The following PCDHGB4 variants were observed in gnomAD, a reference collection of about 807,000 sequenced individuals.
PCDHGB4 encodes protocadherin gamma subfamily B, 4.
PCDHGB4 carries 38 observed loss-of-function variants against 60.5 expected under a neutral mutation model. The observed-to-expected ratio is 0.63, with a 90% confidence interval of 0.48 to 0.82. The LOEUF is 0.82. Ranked by LOEUF, PCDHGB4 falls within the 40% of genes least tolerant of loss-of-function variation. The probability of loss-of-function intolerance (pLI) is 0.00; values close to 1 mark genes in which losing one functional copy is unlikely to be tolerated. For missense variants in PCDHGB4, 1,109 were observed against 1,209.6 expected (o/e 0.92, Z 1.23); for synonymous variants, 456 against 509.7 (o/e 0.89, Z 1.42).
chr5:141,410,349 G>A, intron 1 of PCDHGB4: 1 of 1,613,994 alleles, frequency 6.2e-7, no homozygotes, highest in Non-Finnish European at 8.5e-7. Flanking sequence ...TTGCGCCTGC[G>A]ACGCTCTCTC....
At chr5:141,421,878 T>C (rs1364225081) in intron 1 of PCDHGB4, 1 of 1,613,612 alleles carries the variant, frequency 6.2e-7, no homozygotes, top group African/African-American at 1.3e-5. Context: ...CAGCTTTAGA[T>C]GGAGGCGATC....
chr5:141,503,598 CAAAAA>C (rs765754054), intron 2 of PCDHGB4, among the ~76,000 whole-genome samples: 1 of 65,760 alleles, frequency 1.5e-5, no homozygotes, highest in African/African-American at 4.7e-5. Context: ...GACTCCAGCT[CAAAAA>C]AAAAAAAAAA....
At chr5:141,418,128 T>C (rs1386757111) in intron 1 of PCDHGB4, 1 of 1,614,090 alleles carries the variant, frequency 6.2e-7, no homozygotes, top group South Asian at 1.1e-5. Flanking sequence ...AAGGACCGAA[T>C]AGACCGTGAG....
At chr5:141,496,994 T>A (rs2099773177) in intron 2 of PCDHGB4, among the ~76,000 whole-genome samples, 1 of 151,862 alleles carries the variant, frequency 6.6e-6, no homozygotes, top group Non-Finnish European at 1.5e-5. Flanking sequence ...GAGACCAGCC[T>A]GGCAGCCAAC....
At position 141,485,120 on chromosome 5, in the gene PCDHGB4, G is replaced by T; in HGVS notation, c.2398-9687G>T. The T allele has an allele frequency of 7.4e-7, 1 of 1,348,050 alleles. No individual in the cohort carries two copies. Among genetic ancestry groups the T allele is most frequent in the Non-Finnish European group, 1.0e-6 (1 of 952,710 alleles). 83.5% of individuals were successfully genotyped at this position (1,348,050 alleles called of 1,614,324 possible). On this transcript the variant is annotated intron_variant, in intron 1 of 3. Transcript: ENST00000519479. The surrounding 1 kb of genome is among the most constrained non-coding windows in gnomAD (Gnocchi z 5.7). ...TCCAGCTGCTGTGGCTGTTTGGGGC[G>T]GGTCGGCTTCATCCGCGTCTCAGGA...
At chr5:141,503,836 A>G (rs1260399957) in intron 2 of PCDHGB4, among the ~76,000 whole-genome samples, 4 of 152,142 alleles carry the variant, frequency 2.6e-5, no homozygotes, top group Admixed American at 6.5e-5. Flanking sequence ...AAAAGCAGGG[A>G]CAGACCTTGG....
At position 141,395,150 on chromosome 5, in the gene PCDHGB4, C is replaced by T. The variant is rs368875505; in HGVS notation, c.2397+4869C>T. ...CCCAGCCCAACTACGCAGACATGCT[C>T]ATCAGTCAGGAGGGCTGTGAGAAAA... On this transcript the variant is annotated intron_variant, in intron 1 of 3. Transcript: ENST00000519479. 8 of 1,614,044 alleles carry T rather than the reference C, an allele frequency of 5.0e-6. No individual in the cohort carries two copies. In the African/African-American group the frequency reaches 6.7e-5, roughly 13 times the overall value.
chr5:141,398,298 C>T (rs746476042), intron 1 of PCDHGB4: 1 of 1,362,258 alleles, frequency 7.3e-7, no homozygotes, highest in South Asian at 1.3e-5. Flanking sequence ...TGGGGTTCAG[C>T]GTCCAGGAGT....
At chr5:141,501,402 G>T (rs527659990) in intron 2 of PCDHGB4, among the ~76,000 whole-genome samples, 1 of 151,622 alleles carries the variant, frequency 6.6e-6, no homozygotes, top group African/African-American at 2.4e-5. Context: ...ACAGGCCACT[G>T]CTTGGAAAAT....
At chr5:141,410,888 C>G in intron 1 of PCDHGB4, 1 of 290,774 alleles carries the variant, frequency 3.4e-6, no homozygotes, top group Non-Finnish European at 5.6e-6. Flanking sequence ...GAGTCTCGCA[C>G]TGTTGCCTAG....
intron 1 of PCDHGB4, chr5:141,421,459 G>T: frequency 6.2e-7 from 1 of 1,614,142 alleles, no homozygotes; most frequent in South Asian, 1.1e-5. Context: ...GCTTTTCGCT[G>T]TGAATCCGCG....
chr5:141,399,026 A>C (rs1448827116), intron 1 of PCDHGB4: 1 of 1,613,886 alleles, frequency 6.2e-7, no homozygotes, highest in East Asian at 2.2e-5. Flanking sequence ...ATTACCACTC[A>C]AAAGAAACTG....
intron 2 of PCDHGB4, among the ~76,000 whole-genome samples, chr5:141,502,719 C>G (rs1242423173): frequency 1.3e-5 from 2 of 152,190 alleles, no homozygotes; most frequent in Non-Finnish European, 2.9e-5. Flanking sequence ...TCAGTGATTA[C>G]AAAGCGGTGA....
In PCDHGB4 at chr5:141,502,866, CT is replaced by C. The variant is rs549047197; in HGVS notation, c.2457-2513del. Among the ~76,000 whole-genome samples the C allele has an allele frequency of 2.5e-3, 324 of 127,930 alleles. 1 individual carries two copies. Among genetic ancestry groups the C allele is most frequent in the Non-Finnish European group, 3.0e-3 (189 of 62,366 alleles). 83.9% of individuals were successfully genotyped at this position (127,930 alleles called of 152,430 possible). On this transcript the variant is annotated intron_variant, in intron 2 of 3. Transcript: ENST00000519479. ...GAGCTGCCTAACCCTGACTCTCTGT[CT>C]TTTTTTTTTTTTTGACAGGGAGTCT...
At chr5:141,480,948 G>C (rs1288557779) in intron 1 of PCDHGB4, among the ~76,000 whole-genome samples, 1 of 152,138 alleles carries the variant, frequency 6.6e-6, no homozygotes, top group Non-Finnish European at 1.5e-5. Context: ...TAGAGGCTGA[G>C]GCGGAAGCAT....
chr5:141,436,501 G>A (rs1382579407), intron 1 of PCDHGB4, among the ~76,000 whole-genome samples: 1 of 152,118 alleles, frequency 6.6e-6, no homozygotes, highest in Admixed American at 6.5e-5. Context: ...TTGCAATTAG[G>A]TAAATTGTTA....
At chr5:141,466,621 T>A (rs911794654) in intron 1 of PCDHGB4, among the ~76,000 whole-genome samples, 1 of 152,208 alleles carries the variant, frequency 6.6e-6, no homozygotes, top group Non-Finnish European at 1.5e-5. Context: ...GCCGTTTTCT[T>A]TGGAGCATTG....
chr5:141,465,574 C>T (rs1477852984), intron 1 of PCDHGB4, among the ~76,000 whole-genome samples: 2 of 152,160 alleles, frequency 1.3e-5, no homozygotes, highest in Admixed American at 1.3e-4. Context: ...TTTCTCAAAA[C>T]ACTCTCATAA....
intron 1 of PCDHGB4, among the ~76,000 whole-genome samples, chr5:141,445,961 G>T (rs944876169): frequency 1.3e-5 from 2 of 152,158 alleles, no homozygotes; most frequent in Non-Finnish European, 2.9e-5. Context: ...GCTATATGGA[G>T]AATTGATTTA....
Sources: allele counts gnomAD v4.1 joint callset (sites outside exome capture counted in the v4.1 genomes callset), GRCh38; gene constraint gnomAD v4.1.1; non-coding constraint Gnocchi (gnomAD v3.1); transcripts MANE v1.5; gene names NCBI Gene and HGNC (gene_info 2026-07-23, HGNC 2026-07-21).